ULK4: variants seen among roughly 807,000 people sequenced by gnomAD.
ULK4 encodes the protein unc-51 like kinase 4, also known as inactive serine/threonine-protein kinase ULK4.
A neutral mutation model predicts 160.6 loss-of-function variants in ULK4; 133 were observed. That is an observed-to-expected ratio of 0.83 (90% CI 0.72 to 0.96). The LOEUF (loss-of-function observed/expected upper bound fraction) is 0.96, where lower values mean the gene tolerates loss of function less well. Ranked by LOEUF, ULK4 falls within the 40% of genes least tolerant of loss-of-function variation. ULK4 has a pLI of 0.00. For missense variants in ULK4, 1,580 were observed against 1,499.5 expected (o/e 1.05, Z -0.89); for synonymous variants, 534 against 539.8 (o/e 0.99, Z 0.15).
At chr3:41,405,713 G>A (rs911088589) in intron 34 of ULK4, among the ~76,000 whole-genome samples, 1 of 152,128 alleles carries the variant, frequency 6.6e-6, no homozygotes, top group Non-Finnish European at 1.5e-5. Context: ...CCATTTCTCT[G>A]ATGACTAATT....
intron 35 of ULK4, among the ~76,000 whole-genome samples, chr3:41,272,342 A>AGT (rs1225347155): frequency 1.1e-4 from 13 of 119,368 alleles, no homozygotes; most frequent in African/African-American, 7.0e-5. Context: ...CAATTTTGAA[A>AGT]GTTTTTTTTT....
At chr3:41,802,423 A>G (rs561556894) in intron 19 of ULK4, among the ~76,000 whole-genome samples, 1 of 152,202 alleles carries the variant, frequency 6.6e-6, no homozygotes. Flanking sequence ...CAGCCTCCCA[A>G]GCAGCTGGGA....
At chr3:41,337,182 G>T (rs1223858456) in intron 35 of ULK4, among the ~76,000 whole-genome samples, 1 of 152,096 alleles carries the variant, frequency 6.6e-6, no homozygotes, top group African/African-American at 2.4e-5. Flanking sequence ...TATGATGATT[G>T]CATTTTATAT....
intron 32 of ULK4, among the ~76,000 whole-genome samples, chr3:41,525,589 A>G (rs2086086550): frequency 6.6e-6 from 1 of 152,162 alleles, no homozygotes; most frequent in Non-Finnish European, 1.5e-5. Flanking sequence ...AGATCCCATC[A>G]TCGCTCCCTT....
intron 29 of ULK4, among the ~76,000 whole-genome samples, chr3:41,673,750 G>A (rs2035615166): frequency 6.6e-6 from 1 of 151,494 alleles, no homozygotes; most frequent in African/African-American, 2.4e-5. Flanking sequence ...TCTACCAAAG[G>A]CAAATTGCAC....
chr3:41,490,238 T>C (rs1464417336), intron 32 of ULK4, among the ~76,000 whole-genome samples: 2 of 152,192 alleles, frequency 1.3e-5, no homozygotes, highest in Admixed American at 6.5e-5. Flanking sequence ...TTAACATCAT[T>C]GACATAATGT....
chr3:41,775,004 T>C lies in ULK4; in HGVS notation c.2193+14657A>G, dbSNP rs370391678. ...ACCAAACACCGCATGTTCTCACTCA[T>C]AGGTGGGAATTGAACAATGGGAACA... On this transcript the variant is annotated intron_variant, in intron 21 of 36. Coordinates refer to ENST00000301831, the MANE Select transcript of ULK4 (RefSeq NM_017886.4). Among the ~76,000 whole-genome samples the C allele has an allele frequency of 8.5e-4, 121 of 142,220 alleles. 1 individual carries two copies. In the East Asian group the frequency reaches 0.02, roughly 23 times the overall value. The allele number at this position is 142,220 out of a possible 152,430, so 93.3% of individuals were successfully genotyped here.
chr3:41,525,094 T>C (rs2086067554), intron 32 of ULK4, among the ~76,000 whole-genome samples: 1 of 152,168 alleles, frequency 6.6e-6, no homozygotes, highest in Non-Finnish European at 1.5e-5. Context: ...TCCTAAAATA[T>C]CTTTTTCTAT....
intron 31 of ULK4, among the ~76,000 whole-genome samples, chr3:41,601,048 A>T (rs2032027792): frequency 1.3e-5 from 2 of 152,242 alleles, no homozygotes; most frequent in Admixed American, 1.3e-4. Context: ...TTTATAAAAC[A>T]ATATAATAGA....
At chr3:41,689,783 A>T (rs1575573091) in intron 27 of ULK4, among the ~76,000 whole-genome samples, 1 of 152,186 alleles carries the variant, frequency 6.6e-6, no homozygotes, top group East Asian at 1.9e-4. Flanking sequence ...TTAAAAAGTC[A>T]GGAAACAACA....
At chr3:41,435,616 G>C (rs370625092) in intron 34 of ULK4, among the ~76,000 whole-genome samples, 70 of 152,272 alleles carry the variant, frequency 4.6e-4, no homozygotes, top group African/African-American at 1.6e-3. Context: ...AACTTTAATA[G>C]TAGGAAAATG....
intron 18 of ULK4, among the ~76,000 whole-genome samples, chr3:41,831,859 G>A (rs1329567945): frequency 1.3e-5 from 2 of 151,948 alleles, no homozygotes; most frequent in Non-Finnish European, 2.9e-5. Context: ...TTCACCCATG[G>A]CCCTGCAAAT....
intron 31 of ULK4, among the ~76,000 whole-genome samples, chr3:41,608,831 T>C (rs1030313987): frequency 1.3e-4 from 20 of 152,184 alleles, no homozygotes; most frequent in African/African-American, 4.6e-4. Context: ...CTTCCTACTA[T>C]TTCATTTTCC....
intron 2 of ULK4, among the ~76,000 whole-genome samples, chr3:41,944,674 C>T (rs959335530): frequency 1.3e-5 from 2 of 152,018 alleles, no homozygotes. Context: ...AACTCCTGGC[C>T]TCAAGCAATC....
chr3:41,709,114 T>C (rs2125833759), intron 25 of ULK4, among the ~76,000 whole-genome samples: 1 of 152,310 alleles, frequency 6.6e-6, no homozygotes, highest in South Asian at 2.1e-4. Flanking sequence ...AATGGTTGTC[T>C]CCTAGTGTAG....
intron 32 of ULK4, 31 bp downstream of exon 32, chr3:41,565,994 T>G (rs539403329): frequency 1.3e-6 from 2 of 1,574,780 alleles, no homozygotes; most frequent in South Asian, 1.1e-5. Context: ...AGGCAAAACT[T>G]GATCAGAGAG....
chr3:41,854,824 C>T (rs560189111), intron 17 of ULK4: 5 of 151,904 alleles, frequency 3.3e-5, no homozygotes, highest in Admixed American at 6.6e-5. Flanking sequence ...ATGGAATTAC[C>T]CAGACCCTTT....
intron 27 of ULK4, among the ~76,000 whole-genome samples, chr3:41,688,500 C>T (rs915894978): frequency 2.6e-5 from 4 of 152,160 alleles, no homozygotes; most frequent in Admixed American, 1.3e-4. Flanking sequence ...TACATCACTG[C>T]TATAACTCTA....
intron 34 of ULK4, among the ~76,000 whole-genome samples, chr3:41,399,576 T>C (rs2082133754): frequency 6.6e-6 from 1 of 152,148 alleles, no homozygotes; most frequent in South Asian, 2.1e-4. Flanking sequence ...GTTTTATTTT[T>C]GTTTTTGTTT....
Sources: allele counts gnomAD v4.1 joint callset (sites outside exome capture counted in the v4.1 genomes callset), GRCh38; gene constraint gnomAD v4.1.1; transcripts MANE v1.5; gene names NCBI Gene and HGNC (gene_info 2026-07-23, HGNC 2026-07-21).